The following ADGRL3 variants were observed in gnomAD, a reference collection of about 807,000 sequenced individuals.
The protein encoded by ADGRL3 is adhesion G protein-coupled receptor L3.
Under a neutral mutation model 153.5 loss-of-function variants are expected in ADGRL3, and 62 were observed. That is an observed-to-expected ratio of 0.40 (90% CI 0.33 to 0.50). ADGRL3 has a LOEUF of 0.50. Ranked by LOEUF, ADGRL3 falls within the 20% of genes least tolerant of loss-of-function variation. The pLI, the probability that ADGRL3 is intolerant of heterozygous loss-of-function variation, is 0.47. For missense variants in ADGRL3, 1,641 were observed against 1,859.4 expected (o/e 0.88, Z 2.16); for synonymous variants, 710 against 672.5 (o/e 1.06, Z -0.86).
intron 5 of ADGRL3, among the ~76,000 whole-genome samples, chr4:61,657,202 A>AT (rs1271203710): frequency 6.6e-6 from 1 of 152,084 alleles, no homozygotes; most frequent in Non-Finnish European, 1.5e-5. Context: ...CTGAGAATCC[A>AT]TAAGAGTGAC....
At chr4:61,729,583 T>C (rs1026913909) in intron 6 of ADGRL3, among the ~76,000 whole-genome samples, 8 of 152,040 alleles carry the variant, frequency 5.3e-5, no homozygotes, top group African/African-American at 1.9e-4. Context: ...GCTTTAGTTT[T>C]ACATCACTTG....
intron 8 of ADGRL3, among the ~76,000 whole-genome samples, chr4:61,789,120 AT>A (rs34228573): frequency 6.6e-6 from 1 of 152,002 alleles, no homozygotes; most frequent in Admixed American, 6.6e-5. Flanking sequence ...GTTTATCTAG[AT>A]TTTTTTTACT....
chr4:61,306,919 A>T (rs9631772), intron 1 of ADGRL3, among the ~76,000 whole-genome samples: 70,654 of 152,076 alleles, frequency 0.46, 18,267 homozygotes, highest in East Asian at 0.71. Context: ...CAAGGGCTAC[A>T]GCTACCATTG....
intron 9 of ADGRL3, among the ~76,000 whole-genome samples, chr4:61,859,269 C>T (rs2098314499): frequency 6.6e-6 from 1 of 152,006 alleles, no homozygotes; most frequent in African/African-American, 2.4e-5. Flanking sequence ...AAGTTGTGGG[C>T]TGTTTTGTTT....
At chr4:61,446,261 TA>T (rs2152494859) in intron 2 of ADGRL3, among the ~76,000 whole-genome samples, 1 of 152,338 alleles carries the variant, frequency 6.6e-6, no homozygotes, top group East Asian at 1.9e-4. Context: ...AGTGTATAGT[TA>T]GGAGCAATAA....
Position 61,733,149 on chromosome 4 carries a change from G to C in ADGRL3, c.994G>C (p.Asp332His). 1 of 1,613,210 alleles carries C rather than the reference G, an allele frequency of 6.2e-7. No individual in the cohort carries two copies. The highest frequency in any genetic ancestry group is 8.5e-7 in the Non-Finnish European group (1 of 1,179,592). Residue 332 changes from aspartate (D) to histidine (H), a missense_variant, in exon 8 of 27, where the codon GAC becomes CAC. Asp to His is a moderately conservative substitution (Grantham distance 81). Coordinates refer to ENST00000683033, the MANE Select transcript of ADGRL3 (RefSeq NM_001387552.1). ...PYRWGGKSDI[D>H]LAVDENGLWV... ...CCGATGGGGAGGCAAATCTGACATA[G>C]ACCTGGCAGTAGATGAGAATGGGCT...
At chr4:61,756,776 T>C (rs1246705900) in intron 8 of ADGRL3, among the ~76,000 whole-genome samples, 1 of 152,192 alleles carries the variant, frequency 6.6e-6, no homozygotes, top group Admixed American at 6.5e-5. Context: ...TAGCTCTTAC[T>C]ATTTTGAGAT....
intron 9 of ADGRL3, among the ~76,000 whole-genome samples, chr4:61,885,442 C>G (rs916701398): frequency 5.3e-5 from 8 of 152,136 alleles, no homozygotes; most frequent in African/African-American, 1.9e-4. Flanking sequence ...TGAATCTCTT[C>G]GAGACTCAGT....
At chr4:61,871,389 G>A (rs1314245662) in intron 9 of ADGRL3, among the ~76,000 whole-genome samples, 1 of 152,124 alleles carries the variant, frequency 6.6e-6, no homozygotes, top group Non-Finnish European at 1.5e-5. Flanking sequence ...ATATTATTGT[G>A]TAATCAAAAG....
chr4:61,849,396 A>G (rs1177647300), intron 9 of ADGRL3, among the ~76,000 whole-genome samples: 1 of 152,166 alleles, frequency 6.6e-6, no homozygotes, highest in Non-Finnish European at 1.5e-5. Context: ...CTTACTACAC[A>G]GCCTCACTTA....
intron 9 of ADGRL3, among the ~76,000 whole-genome samples, chr4:61,871,090 A>G (rs910851557): frequency 1.3e-5 from 2 of 151,048 alleles, no homozygotes; most frequent in Admixed American, 6.6e-5. Flanking sequence ...CATCCTGGCT[A>G]ACACGGTGAA....
intron 6 of ADGRL3, among the ~76,000 whole-genome samples, chr4:61,713,403 C>A (rs2096041607): frequency 6.6e-6 from 1 of 151,984 alleles, no homozygotes; most frequent in Non-Finnish European, 1.5e-5. Flanking sequence ...CCAAAGCATA[C>A]ATTCTGTTGC....
At chr4:61,624,103 T>C (rs2092693214) in intron 5 of ADGRL3, among the ~76,000 whole-genome samples, 1 of 152,148 alleles carries the variant, frequency 6.6e-6, no homozygotes, top group South Asian at 2.1e-4. Context: ...CTTAAGCCTA[T>C]AGATAGTAAA....
chr4:61,948,099 G>A lies in ADGRL3; in HGVS notation c.2629-1G>A. On this transcript the variant is annotated splice_acceptor_variant, in intron 16 of 26. Transcript: ENST00000683033. LOFTEE classifies it high-confidence loss of function. The stretch of plus-strand genomic sequence containing the variant: ...TTTTATGGATTTTTTTTCCCCTGTA[G>A]CAGTCAGAGGAAAATTTCAACCCTA... 1.2e-6 allele frequency: 2 copies of A among 1,607,482 alleles called. No homozygotes were observed. The highest frequency in any genetic ancestry group is 1.7e-6 in the Non-Finnish European group (2 of 1,176,310).
intron 5 of ADGRL3, among the ~76,000 whole-genome samples, chr4:61,648,657 AG>A (rs1211986954): frequency 6.6e-6 from 1 of 152,000 alleles, no homozygotes; most frequent in East Asian, 1.9e-4. Flanking sequence ...TAGAGGAGAA[AG>A]AACAGTCTAG....
chr4:61,504,142 G>T (rs551523759), intron 3 of ADGRL3, among the ~76,000 whole-genome samples: 1 of 151,970 alleles, frequency 6.6e-6, no homozygotes, highest in African/African-American at 2.4e-5. Flanking sequence ...ACAGGCATGC[G>T]CCACCACACC....
intron 8 of ADGRL3, among the ~76,000 whole-genome samples, chr4:61,795,963 C>T (rs2097405672): frequency 6.6e-6 from 1 of 152,122 alleles, no homozygotes; most frequent in South Asian, 2.1e-4. Flanking sequence ...CTGCCTCAGC[C>T]TCCCGAGTAG....
At chr4:61,644,523 C>T (rs1030508768) in intron 5 of ADGRL3, among the ~76,000 whole-genome samples, 20 of 152,170 alleles carry the variant, frequency 1.3e-4, no homozygotes, top group African/African-American at 3.9e-4. Flanking sequence ...ATCTTTATTT[C>T]TGCCTTCATT....
intron 15 of ADGRL3, among the ~76,000 whole-genome samples, chr4:61,938,867 A>ACTC: frequency 6.7e-6 from 1 of 149,388 alleles, no homozygotes; most frequent in African/African-American, 2.5e-5. Flanking sequence ...CTCCTCAAAA[A>ACTC]AAAAAAAAAA....
Sources: gnomAD v4.1 joint callset for allele counts (sites outside exome capture counted in the v4.1 genomes callset) on GRCh38, gnomAD v4.1.1 for gene constraint, MANE v1.5 for transcripts, NCBI Gene and HGNC (gene_info 2026-07-23, HGNC 2026-07-21) for gene names.